SPATA13: variants seen among roughly 807,000 people sequenced by gnomAD.
SPATA13 encodes the protein spermatogenesis associated 13, also known as spermatogenesis-associated protein 13.
Under a neutral mutation model 104.0 loss-of-function variants are expected in SPATA13, and 50 were observed. The ratio of observed to expected loss-of-function variants is 0.48; its 90% CI spans 0.38 to 0.61. The LOEUF (loss-of-function observed/expected upper bound fraction) is 0.61. Among genes scored for constraint, SPATA13 ranks in the 20% least tolerant of loss-of-function variants. The pLI is 0.00. For missense variants in SPATA13, 1,524 were observed against 1,690.6 expected (o/e 0.90, Z 1.73); for synonymous variants, 606 against 667.5 (o/e 0.91, Z 1.42).
chr13:24,002,809 C>T (rs1002535464), intron 2 of SPATA13, among the ~76,000 whole-genome samples: 12 of 152,310 alleles, frequency 7.9e-5, no homozygotes, highest in African/African-American at 2.4e-4. Flanking sequence ...CAGGCACGGA[C>T]GTAGAACCCA....
At chr13:24,144,052 A>G (rs1392194539) in intron 3 of SPATA13, among the ~76,000 whole-genome samples, 2 of 152,142 alleles carry the variant, frequency 1.3e-5, no homozygotes, top group African/African-American at 4.8e-5. Flanking sequence ...GCCTCCCACC[A>G]CACCCCCGAC....
intron 4 of SPATA13, among the ~76,000 whole-genome samples, chr13:24,265,158 A>T (rs187750366): frequency 1.2e-4 from 18 of 152,278 alleles, no homozygotes; most frequent in African/African-American, 4.3e-4. Context: ...GCTGTGTATG[A>T]TGGGGCCCGC....
intron 2 of SPATA13, among the ~76,000 whole-genome samples, chr13:24,000,608 C>T (rs924864716): frequency 1.3e-5 from 2 of 152,088 alleles, no homozygotes; most frequent in Admixed American, 6.6e-5. Context: ...GTGGAGAAGA[C>T]GGCCCAAGAA....
At position 24,223,097 on chromosome 13, in the gene SPATA13, T is replaced by C. The variant is rs1593434285; in HGVS notation, c.168T>C (p.Pro56=). Residue 56 remains proline (P), a synonymous_variant, in exon 2 of 13, where the codon CCT becomes CCC. Transcript: ENST00000382108. ...GAAATGGAGTCTGTGGCTGCAGCCC[T>C]GGTGGCGACACGGACACCCAGGAAG... ...ACGNGVCGCS[P]GGDTDTQEAK... The C allele has an allele frequency of 3.9e-6, 6 of 1,551,688 alleles. No homozygotes were observed. The highest frequency in any genetic ancestry group is 5.2e-6 in the Non-Finnish European group (6 of 1,147,006).
chr13:24,053,112 T>C (rs1012290565), intron 3 of SPATA13, among the ~76,000 whole-genome samples: 10 of 151,960 alleles, frequency 6.6e-5, no homozygotes, highest in African/African-American at 2.4e-4. Context: ...CACAAACTTG[T>C]TTTTCTCCGT....
intron 12 of SPATA13, among the ~76,000 whole-genome samples, chr13:24,302,201 G>A (rs1877235941): frequency 6.6e-6 from 1 of 152,160 alleles, no homozygotes; most frequent in African/African-American, 2.4e-5. Context: ...TTCAGTGAGA[G>A]AGACTGTGTC....
At chr13:24,211,735 A>G (rs7323080) in intron 1 of SPATA13, among the ~76,000 whole-genome samples, 34,757 of 151,748 alleles carry the variant, frequency 0.23, 4,308 homozygotes, top group South Asian at 0.3. Context: ...GGCACTGACG[A>G]TGATGGCCTC....
chr13:24,033,505 G>C (rs1403496233), intron 3 of SPATA13: 1 of 152,232 alleles, frequency 6.6e-6, no homozygotes, highest in Non-Finnish European at 1.5e-5. Context: ...CTATCCTCTT[G>C]GTTTCAGCTC....
chr13:24,286,884 C>A lies in SPATA13; in HGVS notation c.2601C>A (p.Thr867=), dbSNP rs1875989689. ...GTGAGAACAAGCAGCAGATGCGGAC[C>A]AACGTCATCCGGGAGATCATGGACA... is the stretch of plus-strand genomic sequence containing the variant. ...RHCENKQQMR[T]NVIREIMDTE... The change falls in exon 7 of 13, where the codon ACC becomes ACA. Residue 867 remains threonine, a synonymous_variant. Coordinates refer to ENST00000382108, the MANE Select transcript of SPATA13 (RefSeq NM_001166271.3). This position sits in a 1 kb window ranked among gnomAD's most constrained non-coding sequence, Gnocchi z 4.9. The A allele has an allele frequency of 1.2e-6, 2 of 1,613,714 alleles. No homozygotes were observed. Among genetic ancestry groups the A allele is most frequent in the African/African-American group, 2.7e-5 (2 of 74,862 alleles).
chr13:24,142,219 T>C (rs1248174695), intron 3 of SPATA13, among the ~76,000 whole-genome samples: 1 of 150,852 alleles, frequency 6.6e-6, no homozygotes, highest in African/African-American at 2.4e-5. Flanking sequence ...ATAACCACAG[T>C]GCACTGATTA....
At chr13:24,178,030 T>G (rs546013595) in intron 1 of SPATA13, among the ~76,000 whole-genome samples, 1 of 152,092 alleles carries the variant, frequency 6.6e-6, no homozygotes, top group African/African-American at 2.4e-5. Flanking sequence ...CAAATTTCGT[T>G]TTTTGTAGAG....
intron 3 of SPATA13, among the ~76,000 whole-genome samples, chr13:24,134,541 C>T (rs909076304): frequency 6.6e-6 from 1 of 152,040 alleles, no homozygotes; most frequent in African/African-American, 2.4e-5. Context: ...ATGGGAAATG[C>T]TTCCAGGAGA....
intron 3 of SPATA13, among the ~76,000 whole-genome samples, chr13:24,060,122 C>A (rs1358171245): frequency 6.6e-6 from 1 of 152,146 alleles, no homozygotes; most frequent in Non-Finnish European, 1.5e-5. Flanking sequence ...ATAGCCAAGG[C>A]AATCCTAAGC....
At position 24,290,846 on chromosome 13, in the gene SPATA13, G is replaced by T. The variant is rs772423715; in HGVS notation, c.3042G>T (p.Gln1014His). 5.0e-6 allele frequency: 8 copies of T among 1,614,030 alleles called. No individual in the cohort carries two copies. Among genetic ancestry groups the T allele is most frequent in the Non-Finnish European group, 4.2e-6 (5 of 1,180,026 alleles). The change falls in exon 9 of 13, where the codon CAG (glutamine) becomes CAT (histidine). Residue 1014 changes from glutamine (Q) to histidine (H), a missense_variant. Gln to His is a conservative substitution (Grantham distance 24). This residue lies in a region of SPATA13 where 435 missense variants were observed against 554.8 expected (regional missense o/e 0.78). Transcript: ENST00000382108. ...AGAAGATCTGCAAATACCCGCTGCAGCTGGCCGAGCTGCTCAAGTATACCA... is the reference window on the plus strand; with the variant it reads ...AGAAGATCTGCAAATACCCGCTGCATCTGGCCGAGCTGCTCAAGTATACCA... The part of the protein sequence containing the change: ...PVQKICKYPL[Q>H]LAELLKYTTQ...
At chr13:24,089,138 G>A (rs955384567) in intron 3 of SPATA13, among the ~76,000 whole-genome samples, 4 of 152,178 alleles carry the variant, frequency 2.6e-5, no homozygotes, top group Non-Finnish European at 5.9e-5. Context: ...GTTCCACAGG[G>A]AATAACGGAA....
chr13:24,260,801 G>C (rs1050622701), intron 4 of SPATA13, among the ~76,000 whole-genome samples: 1 of 152,200 alleles, frequency 6.6e-6, no homozygotes, highest in African/African-American at 2.4e-5. Context: ...GATGCATATG[G>C]GTGTGGATTG....
intron 1 of SPATA13, among the ~76,000 whole-genome samples, chr13:24,186,434 C>G (rs1377735521): frequency 6.6e-6 from 1 of 152,162 alleles, no homozygotes; most frequent in African/African-American, 2.4e-5. Flanking sequence ...TAATAGTCTT[C>G]AAACCAAGAG....
intron 3 of SPATA13, among the ~76,000 whole-genome samples, chr13:24,044,606 T>C (rs540224826): frequency 2.3e-4 from 35 of 152,336 alleles, no homozygotes; most frequent in Admixed American, 9.2e-4. Flanking sequence ...ATGTTTACAT[T>C]GTTTAATGAT....
At chr13:24,278,988 CCCTCCCTT>C (rs550228706) in intron 4 of SPATA13, among the ~76,000 whole-genome samples, 12 of 87,212 alleles carry the variant, frequency 1.4e-4, no homozygotes, top group Non-Finnish European at 3.1e-4. Context: ...CTCCCTCCCT[CCCTCCCTT>C]CCTTCCTTCC....
Sources: gnomAD v4.1 joint callset for allele counts (sites outside exome capture counted in the v4.1 genomes callset) on GRCh38, gnomAD v4.1.1 for gene constraint, gnomAD v4.1.1 regional missense constraint, Gnocchi (gnomAD v3.1) non-coding constraint, MANE v1.5 for transcripts, NCBI Gene and HGNC (gene_info 2026-07-23, HGNC 2026-07-21) for gene names.